EPN1: variants seen among roughly 807,000 people sequenced by gnomAD.
EPN1 encodes epsin-1.
A neutral mutation model predicts 56.9 loss-of-function variants in EPN1; 25 were observed. The observed-to-expected ratio is 0.44, with a 90% CI of 0.32 to 0.61. The LOEUF is 0.61. Among genes scored for constraint, EPN1 ranks in the 20% least tolerant of loss-of-function variants. EPN1 has a pLI of 0.05. For synonymous variants in EPN1, 411 were observed against 361.8 expected (o/e 1.14, Z -1.54); for missense variants, 785 against 823.7 (o/e 0.95, Z 0.58).
intron 8 of EPN1, 27 bp downstream of exon 8, chr19:55,692,823 C>A: frequency 3.2e-6 from 5 of 1,585,666 alleles, no homozygotes; most frequent in South Asian, 2.3e-5. Context: ...GGGAATGGAG[C>A]CCCGGGTGGG....
rs1006834413 is a variant in EPN1 at position 55,698,080 on chromosome 19, G to C, written c.*2724G>C. 8.1e-5 allele frequency: 12 copies of C among 147,436 alleles called. No individual in the cohort carries two copies. The highest frequency in any genetic ancestry group is 3.0e-4 in the African/African-American group (12 of 39,900). The allele number at this position is 147,436 out of a possible 1,614,324, so 9.1% of individuals were successfully genotyped here. On this transcript the variant is annotated 3_prime_UTR_variant, in exon 11 of 11. Coordinates refer to ENST00000270460, the MANE Select transcript of EPN1 (RefSeq NM_001130072.2). ...TGAAGGCAGGCCAGGGTGATCAGAG[G>C]TCACCTGGGGATGGTGGAGGCTGAA...
intron 2 of EPN1, among the ~76,000 whole-genome samples, chr19:55,684,786 A>G (rs1158583480): frequency 6.6e-6 from 1 of 152,204 alleles, no homozygotes; most frequent in Non-Finnish European, 1.5e-5. Flanking sequence ...TTTCTTGGCC[A>G]TGTTACTTTA....
At chr19:55,687,217 T>C (rs1331483954) in intron 3 of EPN1, among the ~76,000 whole-genome samples, 1 of 152,188 alleles carries the variant, frequency 6.6e-6, no homozygotes, top group East Asian at 1.9e-4. Flanking sequence ...TTAGACCTTC[T>C]CAGGCCAGCT....
chr19:55,702,358 T>C lies in EPN1; in HGVS notation c.*7002T>C, dbSNP rs541773538. 127 of 152,442 alleles carry C rather than the reference T, an allele frequency of 8.3e-4. No individual in the cohort carries two copies. The highest frequency in any genetic ancestry group is 3.0e-3 in the African/African-American group (125 of 41,584). 9.4% of individuals were successfully genotyped at this position (152,442 alleles called of 1,614,324 possible). ...GCTAAAAGGGGAGGGAGTGTTTCTG[T>C]GCCCATTCCCAGGCACCTTCGTGCA... On this transcript the variant is annotated 3_prime_UTR_variant, in exon 11 of 11. Coordinates refer to ENST00000270460, the MANE Select transcript of EPN1 (RefSeq NM_001130072.2).
chr19:55,677,259 G>T (rs765191421), intron 1 of EPN1: 18 of 1,151,596 alleles, frequency 1.6e-5, no homozygotes, highest in African/African-American at 1.5e-4. Flanking sequence ...CTGTGTCTCA[G>T]TTTCCACCCT....
At chr19:55,683,196 C>A (rs1985939638) in intron 2 of EPN1, among the ~76,000 whole-genome samples, 1 of 151,522 alleles carries the variant, frequency 6.6e-6, no homozygotes, top group South Asian at 2.1e-4. Context: ...GCTGGGATTA[C>A]AGGCGCATGC....
At chr19:55,688,811 G>T (rs1986335699) in intron 3 of EPN1, 59 bp from the exon 4 acceptor site, 2 of 1,551,132 alleles carry the variant, frequency 1.3e-6, no homozygotes, top group African/African-American at 1.4e-5. Context: ...CTAGGCTATG[G>T]GGTTTCCTGT....
At position 55,699,404 on chromosome 19, in the gene EPN1, G is replaced by A. The variant is rs1987041613; in HGVS notation, c.*4048G>A. 6.6e-6 allele frequency: 1 copy of A among 152,210 alleles called. No individual in the cohort carries two copies. Among genetic ancestry groups the A allele is most frequent in the Non-Finnish European group, 1.5e-5 (1 of 68,058 alleles). The allele number at this position is 152,210 out of a possible 1,614,324, so 9.4% of individuals were successfully genotyped here. A position where few individuals can be genotyped will look rare whatever the true frequency, so the allele number is the denominator to read the frequency against. On this transcript the variant is annotated 3_prime_UTR_variant, in exon 11 of 11. Transcript: ENST00000270460. ...TGTTTTATTTCTTGAGAACTTGTCTGTCTCTGTGATGACTGTGGGTTGTCC... is the reference window on the plus strand; with the variant it reads ...TGTTTTATTTCTTGAGAACTTGTCTATCTCTGTGATGACTGTGGGTTGTCC...
At chr19:55,675,699 G>C (rs1294472907) in intron 1 of EPN1, among the ~76,000 whole-genome samples, 1 of 152,152 alleles carries the variant, frequency 6.6e-6, no homozygotes, top group Non-Finnish European at 1.5e-5. Flanking sequence ...TTTGGAGATA[G>C]GAGTGTGTTT....
Position 55,702,867 on chromosome 19 carries a change from T to TCA in EPN1, c.*7513_*7514dup, listed in dbSNP as rs1987211523. ...TGGAGTGCAGTGGTGCGATCTCGGC[T>TCA]CACTGCAAGCTCCACCTCCCGGGTT... On this transcript the variant is annotated 3_prime_UTR_variant, in exon 11 of 11. Coordinates refer to ENST00000270460, the MANE Select transcript of EPN1 (RefSeq NM_001130072.2). 6.6e-6 allele frequency: 1 copy of TCA among 151,956 alleles called. No individual in the cohort carries two copies. The highest frequency in any genetic ancestry group is 1.5e-5 in the Non-Finnish European group (1 of 68,006). The allele number at this position is 151,956 out of a possible 1,614,324, so 9.4% of individuals were successfully genotyped here.
At chr19:55,687,373 G>T (rs1001933196) in intron 3 of EPN1, among the ~76,000 whole-genome samples, 1 of 152,114 alleles carries the variant, frequency 6.6e-6, no homozygotes, top group Non-Finnish European at 1.5e-5. Flanking sequence ...GGGCAGCACC[G>T]AGGCTGGGTG....
At position 55,709,344 on chromosome 19, in the gene EPN1, C is replaced by T; in HGVS notation, c.*13988C>T. 5.5e-6 allele frequency: 1 copy of T among 181,426 alleles called. No homozygotes were observed. Among genetic ancestry groups the T allele is most frequent in the South Asian group, 1.6e-4 (1 of 6,424 alleles). The allele number at this position is 181,426 out of a possible 1,614,324, so 11.2% of individuals were successfully genotyped here. The stretch of plus-strand genomic sequence containing the variant: ...CTTCCATTCATCTGATGTTCATATG[C>T]CCTGGCACATCTATTGCTTCTTATA... On this transcript the variant is annotated 3_prime_UTR_variant, in exon 11 of 11. Coordinates refer to ENST00000270460, the MANE Select transcript of EPN1 (RefSeq NM_001130072.2).
At chr19:55,675,851 A>C (rs1180883630) in intron 1 of EPN1, among the ~76,000 whole-genome samples, 1 of 151,892 alleles carries the variant, frequency 6.6e-6, no homozygotes, top group Non-Finnish European at 1.5e-5. Flanking sequence ...CCTATGGTGC[A>C]AATCTTACCC....
At chr19:55,676,555 CT>C (rs1230703753) in intron 1 of EPN1, 1 of 152,322 alleles carries the variant, frequency 6.6e-6, no homozygotes, top group Non-Finnish European at 1.5e-5. Flanking sequence ...TGAGCGCCTA[CT>C]ATCTGTGGGG....
At position 55,685,506 on chromosome 19, in the gene EPN1, C is replaced by T; in HGVS notation, c.339C>T (p.Asp113=). 2 of 1,612,988 alleles carry T rather than the reference C, an allele frequency of 1.2e-6. No homozygotes were observed. The highest frequency in any genetic ancestry group is 1.7e-6 in the Non-Finnish European group (2 of 1,179,522). ...CGCTGAAGGACTTCCAGTACGTGGA[C>T]CGCGACGGCAAGGACCAGGGCGTGA... ...VQTLKDFQYV[D]RDGKDQGVNV... Residue 113 remains aspartate (D), a synonymous_variant, in exon 3 of 11, where the codon GAC becomes GAT. Coordinates refer to ENST00000270460, the MANE Select transcript of EPN1 (RefSeq NM_001130072.2).
chr19:55,693,793 C>T (rs1568579862), intron 9 of EPN1, among the ~76,000 whole-genome samples: 1 of 151,978 alleles, frequency 6.6e-6, no homozygotes, highest in Non-Finnish European at 1.5e-5. Context: ...CCACGCTTCC[C>T]TCCTCTCATT....
chr19:55,692,000 AC>A lies in EPN1; in HGVS notation c.1013del (p.Pro338GlnfsTer104). On this transcript the variant is annotated frameshift_variant, in exon 7 of 11. Transcript: ENST00000270460. LOFTEE classifies it high-confidence loss of function. This position sits in a 1 kb window ranked among gnomAD's most constrained non-coding sequence, Gnocchi z 5.6. ...AGPSVDPWGGTPAPAAGEGPT... is the reference protein window; with the variant it reads ...AGPSVDPWGGXPAPAAGEGPT... ...ACCCTCAGTTGACCCTTGGGGTGGG[AC>A]CCCAGCCCCTGCAGCTGGGGAGGGG... 1 of 1,480,890 alleles carries A rather than the reference AC, an allele frequency of 6.8e-7. No homozygotes were observed. The highest frequency in any genetic ancestry group is 8.9e-7 in the Non-Finnish European group (1 of 1,123,320). The allele number at this position is 1,480,890 out of a possible 1,614,324, so 91.7% of individuals were successfully genotyped here.
chr19:55,675,487 C>G (rs1225416297), intron 1 of EPN1, 52 bp downstream of exon 1: 1 of 152,142 alleles, frequency 6.6e-6, no homozygotes, highest in Admixed American at 6.5e-5. Context: ...TCCGGGTGTT[C>G]GGGCCTGGGC....
Position 55,689,723 on chromosome 19 carries a change from C to A in EPN1, c.679-144C>A. On this transcript the variant is annotated intron_variant, in intron 5 of 10. Coordinates refer to ENST00000270460, the MANE Select transcript of EPN1 (RefSeq NM_001130072.2). This position sits in a 1 kb window ranked among gnomAD's most constrained non-coding sequence, Gnocchi z 5.7. Reference sequence around the variant, plus strand: ...ACCTTTGACCCAGGTGCCCCATCCCCATTTCATACATTGTCCGCATCCCAT... The same window carrying A: ...ACCTTTGACCCAGGTGCCCCATCCCAATTTCATACATTGTCCGCATCCCAT... 1 of 784,038 alleles carries A rather than the reference C, an allele frequency of 1.3e-6. No homozygotes were observed. The highest frequency in any genetic ancestry group is 2.1e-6 in the Non-Finnish European group (1 of 466,958). The allele number at this position is 784,038 out of a possible 1,614,324, so 48.6% of individuals were successfully genotyped here.
Sources: allele counts gnomAD v4.1 joint callset (sites outside exome capture counted in the v4.1 genomes callset), GRCh38; gene constraint gnomAD v4.1.1; non-coding constraint Gnocchi (gnomAD v3.1); transcripts MANE v1.5; gene names NCBI Gene and HGNC (gene_info 2026-07-23, HGNC 2026-07-21).